Variants in NRCAM observed in about 807,000 individuals in gnomAD.
NRCAM encodes the protein neuronal cell adhesion molecule.
A neutral mutation model predicts 156.5 loss-of-function variants in NRCAM; 83 were observed. That is an observed-to-expected ratio of 0.53 (90% CI 0.44 to 0.64). NRCAM has a LOEUF of 0.64. Among genes scored for constraint, NRCAM ranks in the 30% least tolerant of loss-of-function variants. NRCAM has a pLI of 0.00. For missense variants in NRCAM, 1,417 were observed against 1,597.3 expected (o/e 0.89, Z 1.92); for synonymous variants, 538 against 563.9 (o/e 0.95, Z 0.65).
At chr7:108,243,662 C>T (rs1037162243) in intron 3 of NRCAM, among the ~76,000 whole-genome samples, 2 of 152,134 alleles carry the variant, frequency 1.3e-5, no homozygotes. Flanking sequence ...TATTTTAAAG[C>T]AGGATTGAAT....
intron 4 of NRCAM, 65 bp from the exon 5 acceptor site, chr7:108,237,834 A>G: frequency 7.8e-7 from 1 of 1,275,210 alleles, no homozygotes; most frequent in Non-Finnish European, 1.1e-6. Flanking sequence ...AGATGTTAAT[A>G]ATAAGAACGT....
intron 3 of NRCAM, among the ~76,000 whole-genome samples, chr7:108,266,730 CAGATGA>C: frequency 6.6e-6 from 1 of 152,302 alleles, no homozygotes; most frequent in Middle Eastern, 3.4e-3. Flanking sequence ...ATGCAGGCCA[CAGATGA>C]ACAGGTCTCC....
chr7:108,382,149 C>T (rs975449738), intron 2 of NRCAM, among the ~76,000 whole-genome samples: 4 of 151,890 alleles, frequency 2.6e-5, no homozygotes, highest in Non-Finnish European at 4.4e-5. Context: ...GTGCTAAACC[C>T]ACAGAGTCAC....
intron 32 of NRCAM, among the ~76,000 whole-genome samples, chr7:108,157,173 A>G (rs409969): frequency 0.6 from 90,788 of 152,022 alleles, 30,636 homozygotes; most frequent in East Asian, 0.82. Context: ...CACCTCCCAA[A>G]TTTATGTCAT....
intron 11 of NRCAM, among the ~76,000 whole-genome samples, chr7:108,218,858 C>T (rs1043264116): frequency 6.6e-5 from 10 of 152,044 alleles, no homozygotes; most frequent in Non-Finnish European, 1.3e-4. Flanking sequence ...GATAAGATCA[C>T]AGCAGAACTA....
intron 26 of NRCAM, among the ~76,000 whole-genome samples, chr7:108,177,723 A>G (rs1315880557): frequency 3.2e-4 from 18 of 56,344 alleles, no homozygotes; most frequent in Non-Finnish European, 6.6e-4. Flanking sequence ...ATACGTGTGT[A>G]TATATATATA....
intron 2 of NRCAM, among the ~76,000 whole-genome samples, chr7:108,332,447 A>G (rs765650425): frequency 6.6e-6 from 1 of 152,194 alleles, no homozygotes; most frequent in Non-Finnish European, 1.5e-5. Context: ...TCTCACATTC[A>G]TTAATTCTCG....
At chr7:108,416,569 G>T (rs910601416) in intron 1 of NRCAM, among the ~76,000 whole-genome samples, 7 of 106,654 alleles carry the variant, frequency 6.6e-5, no homozygotes, top group Non-Finnish European at 1.1e-4. Flanking sequence ...TACTACTTCG[G>T]GAAAGAGACA....
At chr7:108,413,059 T>C (rs1051472062) in intron 1 of NRCAM, among the ~76,000 whole-genome samples, 1 of 152,170 alleles carries the variant, frequency 6.6e-6, no homozygotes, top group Admixed American at 6.5e-5. Context: ...AGTTGGATTG[T>C]TGGATCATAT....
At chr7:108,388,920 C>G (rs985741548) in intron 2 of NRCAM, among the ~76,000 whole-genome samples, 1 of 152,068 alleles carries the variant, frequency 6.6e-6, no homozygotes, top group East Asian at 1.9e-4. Flanking sequence ...TTGTCTATAT[C>G]TCTGTTTTGG....
chr7:108,324,885 T>A (rs1246183725), intron 2 of NRCAM, among the ~76,000 whole-genome samples: 3 of 141,452 alleles, frequency 2.1e-5, no homozygotes, highest in Admixed American at 7.0e-5. Context: ...TACTTTTTTT[T>A]TTTTTTTTTT....
chr7:108,344,896 G>A (rs1395026905), intron 2 of NRCAM, among the ~76,000 whole-genome samples: 1 of 152,102 alleles, frequency 6.6e-6, no homozygotes, highest in Non-Finnish European at 1.5e-5. Context: ...AGAAATTAGG[G>A]CATCATTCTT....
At chr7:108,347,055 T>TTTTG (rs60012938) in intron 2 of NRCAM, among the ~76,000 whole-genome samples, 1 of 143,960 alleles carries the variant, frequency 6.9e-6, no homozygotes, top group Non-Finnish European at 1.5e-5. Flanking sequence ...TTTTTTTTTT[T>TTTTG]GAGACAGACT....
At chr7:108,315,506 A>C (rs1259474307) in intron 2 of NRCAM, among the ~76,000 whole-genome samples, 1 of 152,188 alleles carries the variant, frequency 6.6e-6, no homozygotes, top group Admixed American at 6.5e-5. Context: ...ACATTCCAAA[A>C]AACAGACAGT....
At chr7:108,353,642 T>A (rs1374112062) in intron 2 of NRCAM, among the ~76,000 whole-genome samples, 3 of 152,226 alleles carry the variant, frequency 2.0e-5, no homozygotes, top group Non-Finnish European at 4.4e-5. Context: ...TCTGTATGAT[T>A]TATTGTCTGT....
intron 2 of NRCAM, among the ~76,000 whole-genome samples, chr7:108,371,225 A>C (rs2099626347): frequency 6.6e-6 from 1 of 152,196 alleles, no homozygotes; most frequent in Non-Finnish European, 1.5e-5. Flanking sequence ...ATTGGTCATA[A>C]AAACACGTTA....
chr7:108,203,595 G>C (rs907908207), intron 13 of NRCAM, among the ~76,000 whole-genome samples: 1 of 152,182 alleles, frequency 6.6e-6, no homozygotes, highest in Non-Finnish European at 1.5e-5. Flanking sequence ...TCGGCAGCCA[G>C]AGCCTGCAGA....
chr7:108,331,879 A>G (rs1404604852), intron 2 of NRCAM, among the ~76,000 whole-genome samples: 1 of 152,232 alleles, frequency 6.6e-6, no homozygotes, highest in Non-Finnish European at 1.5e-5. Flanking sequence ...TAGCACAGAA[A>G]TGATGGATGC....
chr7:108,259,915 G>C (rs1369946207), intron 3 of NRCAM, among the ~76,000 whole-genome samples: 4 of 152,186 alleles, frequency 2.6e-5, no homozygotes, highest in African/African-American at 7.2e-5. Context: ...GTGTTGGGTT[G>C]ATAAGTGCAG....
Sources: allele counts gnomAD v4.1 joint callset (sites outside exome capture counted in the v4.1 genomes callset), GRCh38; gene constraint gnomAD v4.1.1; transcripts MANE v1.5; gene names NCBI Gene and HGNC (gene_info 2026-07-23, HGNC 2026-07-21).